PHF2: variants seen among roughly 807,000 people sequenced by gnomAD.
The protein encoded by PHF2 is lysine-specific demethylase PHF2.
Under a neutral mutation model 120.5 loss-of-function variants are expected in PHF2, and 27 were observed. The ratio of observed to expected loss-of-function variants is 0.22; its 90% confidence interval spans 0.17 to 0.31. The LOEUF is 0.31. PHF2 is among the 10% of genes least tolerant of loss of function. PHF2 has a pLI of 1.00. For missense variants in PHF2, 1,024 were observed against 1,434.8 expected (o/e 0.71, Z 4.63); for synonymous variants, 568 against 592.5 (o/e 0.96, Z 0.60).
At chr9:93,671,015 C>T (rs1587720684) in intron 17 of PHF2, 1 of 979,966 alleles carries the variant, frequency 1.0e-6, no homozygotes. Context: ...AGCTGCAGGT[C>T]TATGTTCAGG....
intron 1 of PHF2, among the ~76,000 whole-genome samples, chr9:93,604,568 C>T (rs966921981): frequency 6.6e-6 from 1 of 151,734 alleles, no homozygotes; most frequent in Non-Finnish European, 1.5e-5. Context: ...GGGTTCACGC[C>T]ATTCTCCTGC....
chr9:93,581,207 C>T (rs1216479903), intron 1 of PHF2, among the ~76,000 whole-genome samples: 2 of 152,132 alleles, frequency 1.3e-5, no homozygotes, highest in Admixed American at 6.5e-5. Flanking sequence ...TCTCATTGTG[C>T]CCACCTAGTC....
intron 2 of PHF2, among the ~76,000 whole-genome samples, 191 bp downstream of exon 2, chr9:93,630,246 A>G (rs1019442274): frequency 6.6e-6 from 1 of 152,192 alleles, no homozygotes; most frequent in Non-Finnish European, 1.5e-5. Flanking sequence ...CACTAGGCCC[A>G]CTGTAGCCCC....
chr9:93,615,012 A>G (rs1272262243), intron 1 of PHF2, among the ~76,000 whole-genome samples: 1 of 145,732 alleles, frequency 6.9e-6, no homozygotes, highest in Non-Finnish European at 1.5e-5. Context: ...TGATGATAGT[A>G]ATGATGGTGA....
intron 11 of PHF2, 141 bp from the exon 12 acceptor site, chr9:93,660,050 TG>T: frequency 1.0e-6 from 1 of 977,658 alleles, no homozygotes; most frequent in Middle Eastern, 2.2e-4. Context: ...TGTCACATGA[TG>T]GTGTGGGGTA....
At chr9:93,649,385 T>TCC (rs1255416154) in intron 5 of PHF2, among the ~76,000 whole-genome samples, 173 bp downstream of exon 5, 3 of 149,300 alleles carry the variant, frequency 2.0e-5, no homozygotes, top group Non-Finnish European at 4.5e-5. Context: ...TTTTTTTTTT[T>TCC]TTTTTTTTTT....
At chr9:93,645,146 C>T (rs1450805363) in intron 3 of PHF2, among the ~76,000 whole-genome samples, 1 of 152,198 alleles carries the variant, frequency 6.6e-6, no homozygotes, top group Non-Finnish European at 1.5e-5. Flanking sequence ...AAGGTCTTCC[C>T]AATATCAGAG....
At position 93,676,854 on chromosome 9, in the gene PHF2, C is replaced by A; in HGVS notation, c.3093C>A (p.Thr1031=). 1 of 1,565,804 alleles carries A rather than the reference C, an allele frequency of 6.4e-7. No homozygotes were observed. Among genetic ancestry groups the A allele is most frequent in the Non-Finnish European group, 8.7e-7 (1 of 1,155,132 alleles). The change falls in exon 21 of 22, where the codon ACC becomes ACA. Residue 1031 remains threonine (T), a synonymous_variant. Transcript: ENST00000359246. ...LADHEYTAAG[T]FTGAQAGRTS... Reference sequence around the variant, plus strand: ...ACCATGAGTACACAGCCGCTGGCACCTTCACCGGGGCCCAGGCTGGCCGCA... The same window carrying A: ...ACCATGAGTACACAGCCGCTGGCACATTCACCGGGGCCCAGGCTGGCCGCA...
rs760994623 is a variant in PHF2, at chr9:93,673,610, C to G, written c.2374C>G (p.Gln792Glu). The change falls in exon 18 of 22, where the codon CAG becomes GAG. Residue 792 changes from glutamine (Q) to glutamate (E), a missense_variant. Transcript: ENST00000359246. ...CCAGCCCCCGGCCTCCCCCAGCACA[C>G]AGGAAGCCATTCAGGGAATGCTGTC... ...SSQPPASPSTQEAIQGMLSMA... is the reference protein window; with the variant it reads ...SSQPPASPSTEEAIQGMLSMA... The G allele has an allele frequency of 6.3e-7, 1 of 1,587,200 alleles. No homozygotes were observed. The highest frequency in any genetic ancestry group is 8.6e-7 in the Non-Finnish European group (1 of 1,162,962).
intron 1 of PHF2, among the ~76,000 whole-genome samples, chr9:93,602,523 G>T (rs567767808): frequency 1.2e-4 from 19 of 152,048 alleles, no homozygotes; most frequent in Non-Finnish European, 2.8e-4. Context: ...AAAGTGCTGG[G>T]ATTACAGGTG....
intron 1 of PHF2, among the ~76,000 whole-genome samples, chr9:93,624,657 GTGT>G (rs376686110): frequency 0.021 from 3,104 of 145,082 alleles, 36 homozygotes; most frequent in Middle Eastern, 0.042. Context: ...GTTGGTGATG[GTGT>G]TGGTGGTGAT....
chr9:93,602,522 G>A (rs1014842372), intron 1 of PHF2, among the ~76,000 whole-genome samples: 2 of 151,960 alleles, frequency 1.3e-5, no homozygotes, highest in African/African-American at 4.8e-5. Context: ...CAAAGTGCTG[G>A]GATTACAGGT....
chr9:93,666,462 T>C (rs773864166), intron 16 of PHF2, among the ~76,000 whole-genome samples: 13 of 152,230 alleles, frequency 8.5e-5, no homozygotes, highest in Non-Finnish European at 1.6e-4. Context: ...GAACCAGAGT[T>C]CCTCTGTGAA....
Position 93,656,108 on chromosome 9 carries a change from GT to G in PHF2, c.1040+88del. The G allele has an allele frequency of 6.4e-6, 7 of 1,094,282 alleles. No individual in the cohort carries two copies. Among genetic ancestry groups the G allele is most frequent in the Non-Finnish European group, 8.1e-6 (6 of 743,132 alleles). 67.8% of individuals were successfully genotyped at this position (1,094,282 alleles called of 1,614,324 possible). A position where few individuals can be genotyped will look rare whatever the true frequency, so the allele number is the denominator to read the frequency against. On this transcript the variant is annotated intron_variant, in intron 8 of 21. Coordinates refer to ENST00000359246, the MANE Select transcript of PHF2 (RefSeq NM_005392.4). This position sits in a 1 kb window ranked among gnomAD's most constrained non-coding sequence, Gnocchi z 4.1. ...GTCGGTGCTAGATGCCTTGGGCTGA[GT>G]CCTGGCACAGCCCGCCTGTGGGTGG... is the stretch of plus-strand genomic sequence containing the variant.
At position 93,581,831 on chromosome 9, in the gene PHF2, C is replaced by T. The variant is rs189914850; in HGVS notation, c.98+4960C>T. On this transcript the variant is annotated intron_variant, in intron 1 of 21. Coordinates refer to ENST00000359246, the MANE Select transcript of PHF2 (RefSeq NM_005392.4). ...TTTTATGGCTGTCCCTGTAGTGCCTCGACATGTGCCAGGTCCTTCTAAAAG... is the reference window on the plus strand; with the variant it reads ...TTTTATGGCTGTCCCTGTAGTGCCTTGACATGTGCCAGGTCCTTCTAAAAG... Among the ~76,000 whole-genome samples the T allele has an allele frequency of 1.9e-4, 29 of 152,170 alleles. No homozygotes were observed. In the East Asian group the frequency reaches 3.9e-3, roughly 20 times the overall value.
chr9:93,611,543 C>T (rs1825635638), intron 1 of PHF2, among the ~76,000 whole-genome samples: 2 of 152,126 alleles, frequency 1.3e-5, no homozygotes, highest in Admixed American at 6.6e-5. Context: ...CAGGGTCTTG[C>T]TCTGTCACCC....
chr9:93,667,777 T>G (rs1826709867), intron 17 of PHF2, among the ~76,000 whole-genome samples: 1 of 152,200 alleles, frequency 6.6e-6, no homozygotes, highest in African/African-American at 2.4e-5. Context: ...TCTGCCTGAT[T>G]GCAGAACCTG....
At chr9:93,667,033 G>T in intron 16 of PHF2, 47 bp from the exon 17 acceptor site, 1 of 1,524,182 alleles carries the variant, frequency 6.6e-7, no homozygotes, top group Non-Finnish European at 8.8e-7. Flanking sequence ...AGGCCACTTT[G>T]GTGGCCAGAC....
At chr9:93,674,113 G>A (rs2118139309) in intron 18 of PHF2, among the ~76,000 whole-genome samples, 1 of 152,286 alleles carries the variant, frequency 6.6e-6, no homozygotes, top group African/African-American at 2.4e-5. Context: ...TGACAGCAAA[G>A]TGAACTCCTG....
Sources: allele counts gnomAD v4.1 joint callset (sites outside exome capture counted in the v4.1 genomes callset), GRCh38; gene constraint gnomAD v4.1.1; non-coding constraint Gnocchi (gnomAD v3.1); transcripts MANE v1.5; gene names NCBI Gene and HGNC (gene_info 2026-07-23, HGNC 2026-07-21).